Variants in RAB22A observed in about 807,000 individuals in gnomAD.
RAB22A encodes the protein ras-related protein Rab-22A.
RAB22A carries 13 observed loss-of-function variants against 30.2 expected under a neutral mutation model. The observed-to-expected ratio is 0.43, with a 90% CI of 0.28 to 0.68. RAB22A has a LOEUF of 0.68. Among genes scored for constraint, RAB22A ranks in the 30% least tolerant of loss-of-function variants. The pLI is 0.18. For synonymous variants in RAB22A, 89 were observed against 87.2 expected, an observed-to-expected ratio of 1.02 and a Z score of -0.11; for missense variants, 177 against 246.8, an observed-to-expected ratio of 0.72 and a Z score of 1.89.
At chr20:58,342,887 A>G (rs971182453) in intron 2 of RAB22A, among the ~76,000 whole-genome samples, 16 of 152,198 alleles carry the variant, frequency 1.1e-4, no homozygotes, top group African/African-American at 3.6e-4. Context: ...GAGTCCCCCA[A>G]GTGTCCAGGC....
chr20:58,355,258 A>G (rs1328627650), intron 6 of RAB22A, among the ~76,000 whole-genome samples: 2 of 152,214 alleles, frequency 1.3e-5, no homozygotes, highest in African/African-American at 2.4e-5. Flanking sequence ...AGGTTGACCC[A>G]TGAGCAGAGC....
At chr20:58,320,829 G>A (rs1485137786) in intron 2 of RAB22A, among the ~76,000 whole-genome samples, 1 of 152,214 alleles carries the variant, frequency 6.6e-6, no homozygotes, top group Non-Finnish European at 1.5e-5. Flanking sequence ...GCCAAAGCGG[G>A]TGGATCACTT....
chr20:58,360,000 T>C lies in RAB22A; in HGVS notation c.*297T>C, dbSNP rs1322869071. On this transcript the variant is annotated 3_prime_UTR_variant, in exon 7 of 7. Transcript: ENST00000244040. The stretch of plus-strand genomic sequence containing the variant: ...ATGGTAGGATTAAGTTGTTGAGTAG[T>C]TTTGTAATCAAGATTTTATGTAACA... The C allele has an allele frequency of 7.5e-5, 13 of 173,890 alleles. No homozygotes were observed. Among genetic ancestry groups the C allele is most frequent in the Non-Finnish European group, 1.2e-5 (1 of 82,194 alleles). 10.8% of individuals were successfully genotyped at this position (173,890 alleles called of 1,614,324 possible). A position where few individuals can be genotyped will look rare whatever the true frequency, so the allele number is the denominator to read the frequency against.
intron 2 of RAB22A, among the ~76,000 whole-genome samples, chr20:58,342,711 A>G (rs1286600463): frequency 1.3e-5 from 2 of 152,066 alleles, no homozygotes; most frequent in Admixed American, 1.3e-4. Flanking sequence ...TTCATTAGAA[A>G]AGAAGACACA....
chr20:58,349,076 C>T (rs1986999949), intron 3 of RAB22A, among the ~76,000 whole-genome samples: 1 of 152,206 alleles, frequency 6.6e-6, no homozygotes, highest in Non-Finnish European at 1.5e-5. Context: ...TTTTGAGTCT[C>T]TTACATGCCT....
intron 2 of RAB22A, among the ~76,000 whole-genome samples, chr20:58,312,700 C>T (rs2122919609): frequency 6.6e-6 from 1 of 151,808 alleles, no homozygotes; most frequent in East Asian, 2.0e-4. Context: ...ATGTATTAGC[C>T]AGGATGGTCT....
intron 2 of RAB22A, among the ~76,000 whole-genome samples, chr20:58,312,472 C>CTTTTTTTTTTTTT (rs58198236): frequency 5.2e-5 from 2 of 38,748 alleles, no homozygotes; most frequent in African/African-American, 9.9e-5. Flanking sequence ...GGCTGGTTTT[C>CTTTTTTTTTTTTT]TTTTTTTTTT....
intron 2 of RAB22A, among the ~76,000 whole-genome samples, chr20:58,314,152 G>A (rs774971945): frequency 1.3e-5 from 2 of 151,398 alleles, no homozygotes; most frequent in East Asian, 1.9e-4. Flanking sequence ...ATGTTGAAGC[G>A]ATTCTCCTGC....
rs749623142 is a variant in RAB22A at position 58,353,415 on chromosome 20, T to C, written c.271-17T>C. The C allele has an allele frequency of 1.2e-6, 2 of 1,609,762 alleles. No individual in the cohort carries two copies. The highest frequency in any genetic ancestry group is 2.2e-5 in the South Asian group (2 of 90,914). On this transcript the variant is annotated splice_polypyrimidine_tract_variant and intron_variant, in intron 4 of 6. Coordinates refer to ENST00000244040, the MANE Select transcript of RAB22A (RefSeq NM_020673.3). ...GTTGCTTAGATCTCCAGTTGCTCTCTTTTTTGTGTGTTACAGGAGACATTT... is the reference window on the plus strand; with the variant it reads ...GTTGCTTAGATCTCCAGTTGCTCTCCTTTTTGTGTGTTACAGGAGACATTT...
rs751614483 is a variant in RAB22A at position 58,365,270 on chromosome 20, G to T, written c.*5567G>T. 1 of 152,126 alleles carries T rather than the reference G, an allele frequency of 6.6e-6. No individual in the cohort carries two copies. Among genetic ancestry groups the T allele is most frequent in the Non-Finnish European group, 1.5e-5 (1 of 68,054 alleles). The allele number at this position is 152,126 out of a possible 1,614,324, so 9.4% of individuals were successfully genotyped here. A position where few individuals can be genotyped will look rare whatever the true frequency, so the allele number is the denominator to read the frequency against. On this transcript the variant is annotated 3_prime_UTR_variant, in exon 7 of 7. Transcript: ENST00000244040. ...TCAAGGAAACCCCTCAGCATCTAAC[G>T]TCATCTTGTAGAAGAGCTGGGCATA...
At chr20:58,352,059 G>A (rs1987059692) in intron 3 of RAB22A, among the ~76,000 whole-genome samples, 1 of 152,164 alleles carries the variant, frequency 6.6e-6, no homozygotes, top group African/African-American at 2.4e-5. Context: ...AAACAAGGTG[G>A]AAGAAGGACA....
intron 6 of RAB22A, among the ~76,000 whole-genome samples, chr20:58,355,372 A>AT (rs879879084): frequency 5.1e-4 from 76 of 148,738 alleles, no homozygotes; most frequent in African/African-American, 1.3e-3. Context: ...TTGTTTTCAC[A>AT]TTTTTTTTTT....
chr20:58,310,307 G>C (rs1282118816), intron 1 of RAB22A, among the ~76,000 whole-genome samples: 1 of 152,062 alleles, frequency 6.6e-6, no homozygotes, highest in Non-Finnish European at 1.5e-5. Flanking sequence ...GGTTAAGAGA[G>C]GTTCTTAAAT....
intron 2 of RAB22A, among the ~76,000 whole-genome samples, chr20:58,324,160 A>G (rs760812686): frequency 2.0e-5 from 3 of 152,194 alleles, no homozygotes; most frequent in Non-Finnish European, 4.4e-5. Flanking sequence ...TCCTTAAGTG[A>G]TGAGTAAAAT....
At position 58,361,088 on chromosome 20, in the gene RAB22A, G is replaced by A. The variant is rs1412677998; in HGVS notation, c.*1385G>A. 1 of 152,596 alleles carries A rather than the reference G, an allele frequency of 6.6e-6. No individual in the cohort carries two copies. Among genetic ancestry groups the A allele is most frequent in the East Asian group, 1.9e-4 (1 of 5,204 alleles). 9.5% of individuals were successfully genotyped at this position (152,596 alleles called of 1,614,324 possible). ...ACTCTTTTCCCTCAGGGAGCCTAAT[G>A]AGGTTTTTAATATCATCTAAAAATA... On this transcript the variant is annotated 3_prime_UTR_variant, in exon 7 of 7. Coordinates refer to ENST00000244040, the MANE Select transcript of RAB22A (RefSeq NM_020673.3).
At chr20:58,323,223 ATGC>A (rs1183227135) in intron 2 of RAB22A, among the ~76,000 whole-genome samples, 1 of 151,884 alleles carries the variant, frequency 6.6e-6, no homozygotes, top group Non-Finnish European at 1.5e-5. Context: ...GTGCAGTTTT[ATGC>A]TGTTAATATG....
intron 2 of RAB22A, among the ~76,000 whole-genome samples, chr20:58,319,923 A>C (rs903308251): frequency 1.3e-5 from 2 of 152,220 alleles, no homozygotes; most frequent in Non-Finnish European, 2.9e-5. Context: ...CATTACAACC[A>C]TTGAGAGTTT....
In RAB22A at chr20:58,314,166, A is replaced by G. The variant is rs188538325; in HGVS notation, c.116+3044A>G. ...CATGTTGAAGCGATTCTCCTGCCTC[A>G]GCCTCCCATATAGTTGGGACTATAG... On this transcript the variant is annotated intron_variant, in intron 2 of 6. Transcript: ENST00000244040. Among the ~76,000 whole-genome samples the G allele has an allele frequency of 4.8e-3, 735 of 151,618 alleles. 4 individuals are homozygous for G. The highest frequency in any genetic ancestry group is 8.4e-3 in the Non-Finnish European group (569 of 67,940).
chr20:58,359,756 A>G lies in RAB22A; in HGVS notation c.*53A>G, dbSNP rs1568683572. On this transcript the variant is annotated 3_prime_UTR_variant, in exon 7 of 7. Coordinates refer to ENST00000244040, the MANE Select transcript of RAB22A (RefSeq NM_020673.3). Reference sequence around the variant, plus strand: ...ATGAAGTAGGTGGTCCTGAAAGTTAACAGGAGGGCTGGGGTCCCTGCCACC... The same window carrying G: ...ATGAAGTAGGTGGTCCTGAAAGTTAGCAGGAGGGCTGGGGTCCCTGCCACC... 1.3e-6 allele frequency: 2 copies of G among 1,502,230 alleles called. No homozygotes were observed. Among genetic ancestry groups the G allele is most frequent in the Non-Finnish European group, 1.8e-6 (2 of 1,085,660 alleles). 93.1% of individuals were successfully genotyped at this position (1,502,230 alleles called of 1,614,324 possible).
Sources: allele counts gnomAD v4.1 joint callset (sites outside exome capture counted in the v4.1 genomes callset), GRCh38; gene constraint gnomAD v4.1.1; transcripts MANE v1.5; gene names NCBI Gene and HGNC (gene_info 2026-07-23, HGNC 2026-07-21).